ZNF254: variants seen among roughly 807,000 people sequenced by gnomAD.
ZNF254 encodes CTD-2017D11.1.
Under a neutral mutation model 12.4 loss-of-function variants are expected in ZNF254, and 10 were observed. The observed-to-expected ratio is 0.80, with a 90% confidence interval of 0.50 to 1.36. The LOEUF (loss-of-function observed/expected upper bound fraction) is 1.36, where lower values mean the gene tolerates loss of function less well. ZNF254 is among the 40% of genes most tolerant of loss of function. The probability of loss-of-function intolerance (pLI) is 0.00; values close to 1 mark genes in which losing one functional copy is unlikely to be tolerated. For missense variants in ZNF254, 996 were observed against 763.9 expected (o/e 1.30, Z -3.58); for synonymous variants, 305 against 253.4 (o/e 1.20, Z -1.93).
Position 24,041,122 on chromosome 19 carries a change from A to T in ZNF254, c.-189-5062A>T, listed in dbSNP as rs145991070. ...CAGTTAGGATACATGACAAGTTTGA[A>T]GAAATACCAGTGAGAGGTGACAGCG... On this transcript the variant is annotated intron_variant, in intron 1 of 4. Transcript: ENST00000613065. Among the ~76,000 whole-genome samples, 20 of 152,382 alleles carry T rather than the reference A, an allele frequency of 1.3e-4. No individual in the cohort carries two copies. The East Asian group carries it at 3.9e-3, about 29-fold the overall frequency.
chr19:24,033,945 G>A (rs1969861494), intron 1 of ZNF254, among the ~76,000 whole-genome samples: 2 of 152,322 alleles, frequency 1.3e-5, no homozygotes, highest in South Asian at 4.1e-4. Context: ...CGGCAGGTGG[G>A]GCTCCCGAGT....
Position 24,128,098 on chromosome 19 carries a change from T to A in ZNF254, c.*118T>A, listed in dbSNP as rs766277753. On this transcript the variant is annotated 3_prime_UTR_variant, in exon 4 of 4. Transcript: ENST00000357002. Reference sequence around the variant, plus strand: ...ATGCTTTTGACAGTACCTAAAACTTTAAAGAAAATCATTCTGCTGAAAAAT... The same window carrying A: ...ATGCTTTTGACAGTACCTAAAACTTAAAAGAAAATCATTCTGCTGAAAAAT... The A allele has an allele frequency of 7.4e-4, 766 of 1,040,504 alleles. No individual in the cohort carries two copies. Among genetic ancestry groups the A allele is most frequent in the Non-Finnish European group, 9.5e-4 (737 of 773,944 alleles). The allele number at this position is 1,040,504 out of a possible 1,614,324, so 64.5% of individuals were successfully genotyped here. A position where few individuals can be genotyped will look rare whatever the true frequency, so the allele number is the denominator to read the frequency against.
intron 1 of ZNF254, among the ~76,000 whole-genome samples, chr19:24,041,350 G>A (rs1970147976): frequency 6.6e-6 from 1 of 152,242 alleles, no homozygotes; most frequent in South Asian, 2.1e-4. Flanking sequence ...TGCGTGCGGC[G>A]CTTGCGGGCC....
At chr19:24,086,591 C>T (rs902244449), upstream of ZNF254, among the ~76,000 whole-genome samples, 30 of 152,274 alleles carry the variant, frequency 2.0e-4, no homozygotes, top group African/African-American at 6.5e-4. Context: ...AGTTCTCCTG[C>T]CTCAGCCTCC....
chr19:24,074,495 G>A (rs894556332), intron 2 of ZNF254, among the ~76,000 whole-genome samples: 2 of 152,156 alleles, frequency 1.3e-5, no homozygotes, highest in African/African-American at 4.8e-5. Flanking sequence ...TCTGGGACCA[G>A]CACTTAGATG....
At chr19:24,113,335 G>A (rs1482972514) in intron 3 of ZNF254, among the ~76,000 whole-genome samples, 1 of 152,156 alleles carries the variant, frequency 6.6e-6, no homozygotes, top group Non-Finnish European at 1.5e-5. Context: ...TATCCACCAT[G>A]ATCAAGTGGG....
intron 2 of ZNF254, among the ~76,000 whole-genome samples, chr19:24,047,017 C>T (rs917323373): frequency 6.6e-5 from 10 of 151,482 alleles, no homozygotes; most frequent in Non-Finnish European, 1.0e-4. Flanking sequence ...TTGTGCGCCA[C>T]GATGCCTGGC....
intron 1 of ZNF254, among the ~76,000 whole-genome samples, chr19:24,040,440 C>T (rs1970114140): frequency 6.6e-6 from 1 of 152,180 alleles, no homozygotes; most frequent in South Asian, 2.1e-4. Flanking sequence ...AATAATTGTT[C>T]CACAGTCATG....
intron 1 of ZNF254, among the ~76,000 whole-genome samples, chr19:24,091,010 G>A (rs1175600122): frequency 6.4e-5 from 9 of 141,448 alleles, no homozygotes; most frequent in African/African-American, 2.4e-4. Flanking sequence ...GTGCAGTGGC[G>A]CCACTTTGGC....
At chr19:24,083,008 G>A (rs1423844853), upstream of ZNF254, among the ~76,000 whole-genome samples, 2 of 152,016 alleles carry the variant, frequency 1.3e-5, no homozygotes, top group African/African-American at 4.8e-5. Context: ...CCTCCAAGTT[G>A]GTAAAGAGGT....
chr19:24,069,339 A>G (rs1180891823), intron 2 of ZNF254, among the ~76,000 whole-genome samples: 1 of 146,456 alleles, frequency 6.8e-6, no homozygotes, highest in Admixed American at 6.9e-5. Context: ...CATCCTGGCC[A>G]GGCTCAAGCC....
intron 2 of ZNF254, among the ~76,000 whole-genome samples, chr19:24,071,527 T>A (rs1971480377): frequency 6.6e-6 from 1 of 152,254 alleles, no homozygotes; most frequent in Non-Finnish European, 1.5e-5. Flanking sequence ...GCGACTTTTC[T>A]CTTCTACGTG....
At chr19:24,062,834 C>T (rs900636266) in intron 2 of ZNF254, among the ~76,000 whole-genome samples, 3 of 152,148 alleles carry the variant, frequency 2.0e-5, no homozygotes, top group Non-Finnish European at 4.4e-5. Context: ...GAGTTTTGCT[C>T]TTGTTACCGA....
In ZNF254 at chr19:24,107,050, GTTTT is replaced by G. The variant is rs144409448; in HGVS notation, c.253+410_253+413del. On this transcript the variant is annotated intron_variant, in intron 3 of 3. Transcript: ENST00000357002. ...AGAGTAGTAGTTTCTGTTATATTGG[GTTTT>G]TTCTTTTTGGTTTATTTTTCTGCAC... The G allele has an allele frequency of 6.4e-3, 2,872 of 446,560 alleles. 72 individuals are homozygous for G. Among genetic ancestry groups the G allele is most frequent in the African/African-American group, 0.053 (2,571 of 48,890 alleles). The allele number at this position is 446,560 out of a possible 1,614,324, so 27.7% of individuals were successfully genotyped here.
At chr19:24,049,214 A>ATATTT (rs1160333151) in intron 2 of ZNF254, among the ~76,000 whole-genome samples, 52 of 40,856 alleles carry the variant, frequency 1.3e-3, no homozygotes, top group South Asian at 3.3e-3. Context: ...ATATATATAT[A>ATATTT]TTTTTTTTTT....
intron 1 of ZNF254, among the ~76,000 whole-genome samples, chr19:24,035,119 C>G (rs1157958096): frequency 6.6e-6 from 1 of 152,100 alleles, no homozygotes; most frequent in East Asian, 1.9e-4. Flanking sequence ...AAAGCAGATG[C>G]TAGATTAGGG....
intron 2 of ZNF254, among the ~76,000 whole-genome samples, chr19:24,068,199 C>T (rs2145464979): frequency 6.6e-6 from 1 of 152,186 alleles, no homozygotes; most frequent in East Asian, 1.9e-4. Flanking sequence ...GGATCAGCCA[C>T]CAGGTATGTG....
In ZNF254 at chr19:24,126,960, A is replaced by G. The variant is rs762211930; in HGVS notation, c.960A>G (p.Lys320=). 10 of 1,613,440 alleles carry G rather than the reference A, an allele frequency of 6.2e-6. No homozygotes were observed. The highest frequency in any genetic ancestry group is 1.6e-4 in the Middle Eastern group (1 of 6,076). The change falls in exon 4 of 4, where the codon AAA becomes AAG. Residue 320 remains lysine, a synonymous_variant. Coordinates refer to ENST00000357002, the MANE Select transcript of ZNF254 (RefSeq NM_203282.4). ...ATAAGAAAATTCATACTAGAAAGAA[A>G]CCCTACAAGTGTGAAGAATGTGGCA... ...TEHKKIHTRK[K]PYKCEECGKA...
chr19:24,127,620 T>A lies in ZNF254; in HGVS notation c.1620T>A (p.His540Gln). The change falls in exon 4 of 4, where the codon CAT becomes CAA. Residue 540 changes from histidine (H) to glutamine (Q), a missense_variant. Physicochemically the swap from His to Gln is conservative, Grantham distance 24. Coordinates refer to ENST00000357002, the MANE Select transcript of ZNF254 (RefSeq NM_203282.4). ...CTCTTACTAAACATAAGATAATTCA[T>A]ACTGAAGAGAAACCCTACAAATGTG... The part of the protein sequence containing the change: ...SSTLTKHKII[H>Q]TEEKPYKCEK... The A allele has an allele frequency of 6.2e-7, 1 of 1,608,150 alleles. No individual in the cohort carries two copies. Among genetic ancestry groups the A allele is most frequent in the Non-Finnish European group, 8.5e-7 (1 of 1,176,896 alleles).
Sources: allele counts gnomAD v4.1 joint callset (sites outside exome capture counted in the v4.1 genomes callset), GRCh38; gene constraint gnomAD v4.1.1; transcripts MANE v1.5; gene names NCBI Gene and HGNC (gene_info 2026-07-23, HGNC 2026-07-21).